Variants in AKT2 observed in about 807,000 individuals in gnomAD.
AKT2 encodes the protein AKT serine/threonine kinase 2, also known as RAC-beta serine/threonine-protein kinase.
Under a neutral mutation model 58.6 loss-of-function variants are expected in AKT2, and 16 were observed. The observed-to-expected ratio is 0.27, with a 90% confidence interval of 0.18 to 0.41. The LOEUF is 0.41. Ranked by LOEUF, AKT2 falls within the 10% of genes least tolerant of loss-of-function variation. The pLI, the probability that AKT2 is intolerant of heterozygous loss-of-function variation, is 1.00. For synonymous variants in AKT2, 253 were observed against 254.0 expected, an observed-to-expected ratio of 1.00 and a Z score of 0.04; for missense variants, 438 against 661.0, an observed-to-expected ratio of 0.66 and a Z score of 3.70.
Position 40,242,529 on chromosome 19 carries a change from C to T in AKT2, c.441+5G>A. The T allele has an allele frequency of 1.2e-6, 2 of 1,613,616 alleles. No homozygotes were observed. The highest frequency in any genetic ancestry group is 1.7e-6 in the Non-Finnish European group (2 of 1,180,022). ...GGCAGCCCCACCCCTGCTCCCAGCA[C>T]TTACCACTTTAGCCCGTGCCTTGCT... On this transcript the variant is annotated splice_donor_5th_base_variant and intron_variant, in intron 5 of 13. Coordinates refer to ENST00000392038, the MANE Select transcript of AKT2 (RefSeq NM_001626.6). The surrounding 1 kb of genome is among the most constrained non-coding windows in gnomAD (Gnocchi z 4.3).
intron 2 of AKT2, among the ~76,000 whole-genome samples, chr19:40,265,000 C>A (rs775436733): frequency 6.6e-6 from 1 of 152,224 alleles, no homozygotes; most frequent in African/African-American, 2.4e-5. Context: ...TAAAATGGGG[C>A]TATGAATGAG....
At chr19:40,264,011 A>G (rs1194885294) in intron 2 of AKT2, among the ~76,000 whole-genome samples, 1 of 152,090 alleles carries the variant, frequency 6.6e-6, no homozygotes, top group African/African-American at 2.4e-5. Context: ...ACCGTGAGAC[A>G]TGCATGTCTG....
At position 40,242,502 on chromosome 19, in the gene AKT2, C is replaced by G; in HGVS notation, c.441+32G>C. On this transcript the variant is annotated intron_variant, in intron 5 of 13. Transcript: ENST00000392038. This position sits in a 1 kb window ranked among gnomAD's most constrained non-coding sequence, Gnocchi z 4.3. ...GCACTGGGGGTGGGGGCACCGCAGGCTGGCAGCCCCACCCCTGCTCCCAGC... is the reference window on the plus strand; with the variant it reads ...GCACTGGGGGTGGGGGCACCGCAGGGTGGCAGCCCCACCCCTGCTCCCAGC... The G allele has an allele frequency of 1.2e-6, 2 of 1,612,536 alleles. No individual in the cohort carries two copies. Among genetic ancestry groups the G allele is most frequent in the South Asian group, 2.2e-5 (2 of 91,076 alleles).
chr19:40,267,996 G>C (rs1230681721), intron 1 of AKT2, among the ~76,000 whole-genome samples: 1 of 152,152 alleles, frequency 6.6e-6, no homozygotes, highest in African/African-American at 2.4e-5. Flanking sequence ...GAAAATGCAA[G>C]GACCTGAGGC....
chr19:40,276,343 A>ACCTTTTTTTTTTT (rs1568573407), intron 1 of AKT2, among the ~76,000 whole-genome samples: 3 of 98,856 alleles, frequency 3.0e-5, no homozygotes, highest in Non-Finnish European at 2.0e-5. Flanking sequence ...GTAAAATGGA[A>ACCTTTTTTTTTTT]TCTTTTTTTT....
chr19:40,273,467 T>C (rs2077253810), intron 1 of AKT2: 1 of 124,462 alleles, frequency 8.0e-6, no homozygotes, highest in Non-Finnish European at 1.7e-5. Context: ...AAGGTGGCAC[T>C]GAAGAAACTT....
intron 4 of AKT2, among the ~76,000 whole-genome samples, chr19:40,246,976 G>A (rs886471097): frequency 7.9e-5 from 12 of 152,218 alleles, no homozygotes; most frequent in African/African-American, 2.7e-4. Context: ...TCGCAGGGGC[G>A]GGCCTACCCC....
At chr19:40,270,586 G>A (rs542754171) in intron 1 of AKT2, 8 of 152,402 alleles carry the variant, frequency 5.2e-5, no homozygotes, top group Non-Finnish European at 1.0e-4. Context: ...GCTGGTGGGT[G>A]GGGCTCCTTC....
chr19:40,278,221 C>T (rs1035590265), intron 1 of AKT2, among the ~76,000 whole-genome samples: 8 of 152,238 alleles, frequency 5.3e-5, no homozygotes, highest in Admixed American at 4.6e-4. Flanking sequence ...AAGGCAGCTT[C>T]GCCGACAGAG....
At chr19:40,264,442 C>T (rs1035192507) in intron 2 of AKT2, among the ~76,000 whole-genome samples, 12 of 152,164 alleles carry the variant, frequency 7.9e-5, no homozygotes, top group African/African-American at 1.7e-4. Flanking sequence ...GGGCTGCTCT[C>T]GTCTGGAGTG....
chr19:40,281,328 CA>C (rs961095547), intron 1 of AKT2, among the ~76,000 whole-genome samples: 1 of 152,044 alleles, frequency 6.6e-6, no homozygotes, highest in Non-Finnish European at 1.5e-5. Flanking sequence ...CCCGTTTCCA[CA>C]AAAAATTTAA....
intron 7 of AKT2, chr19:40,239,491 C>A: frequency 3.3e-6 from 1 of 303,722 alleles, no homozygotes; most frequent in South Asian, 3.0e-5. Context: ...CACTGAGGTA[C>A]CTCATAAGAT....
At position 40,233,986 on chromosome 19, in the gene AKT2, C is replaced by T; in HGVS notation, c.1367-35G>A. The T allele has an allele frequency of 6.2e-7, 1 of 1,601,020 alleles. No individual in the cohort carries two copies. Among genetic ancestry groups the T allele is most frequent in the African/African-American group, 1.3e-5 (1 of 74,868 alleles). ...GCAGAGGTGGATGGGGAGGACCAGT[C>T]AGGAGAGGGCCTGGGACACCTGCCC... On this transcript the variant is annotated intron_variant, in intron 13 of 13. Coordinates refer to ENST00000392038, the MANE Select transcript of AKT2 (RefSeq NM_001626.6). The surrounding 1 kb of genome is among the most constrained non-coding windows in gnomAD (Gnocchi z 4.3).
chr19:40,248,783 C>G (rs1213189761), intron 4 of AKT2, among the ~76,000 whole-genome samples: 1 of 147,130 alleles, frequency 6.8e-6, no homozygotes, highest in African/African-American at 2.5e-5. Flanking sequence ...GAGATGAGGA[C>G]AGGGAGGAGT....
rs192667940 is a variant in AKT2, at chr19:40,278,031, G to A, written c.-85+7150C>T. Reference sequence around the variant, plus strand: ...GGGCCAAGGTCATGGTATTGGGGGTGGAGAGAAGCAGCCACACCCCACATC... The same window carrying A: ...GGGCCAAGGTCATGGTATTGGGGGTAGAGAGAAGCAGCCACACCCCACATC... On this transcript the variant is annotated intron_variant, in intron 1 of 13. Transcript: ENST00000392038. 2.0e-5 allele frequency among the ~76,000 whole-genome samples: 3 copies of A among 152,232 alleles called. No individual in the cohort carries two copies. In the East Asian group the frequency reaches 5.8e-4, roughly 29 times the overall value.
intron 1 of AKT2, among the ~76,000 whole-genome samples, chr19:40,272,628 G>A (rs1316837079): frequency 6.6e-6 from 1 of 152,152 alleles, no homozygotes; most frequent in Admixed American, 6.5e-5. Flanking sequence ...GCAATCCATG[G>A]ACAAAACTCA....
intron 2 of AKT2, among the ~76,000 whole-genome samples, chr19:40,264,447 G>A (rs1326319627): frequency 6.6e-6 from 1 of 152,162 alleles, no homozygotes; most frequent in Non-Finnish European, 1.5e-5. Context: ...GCTCTCGTCT[G>A]GAGTGCCAAA....
chr19:40,285,299 G>A lies in AKT2; in HGVS notation c.-203C>T. The A allele has an allele frequency of 2.5e-6, 1 of 394,932 alleles. No individual in the cohort carries two copies. The highest frequency in any genetic ancestry group is 4.5e-6 in the Non-Finnish European group (1 of 223,736). The allele number at this position is 394,932 out of a possible 1,614,324, so 24.5% of individuals were successfully genotyped here. Reference sequence around the variant, plus strand: ...CGGCAACGGCGCCGGCAGCGGCAGCGGCGGCGGCGACGCCTCCTCCGAGGC... The same window carrying A: ...CGGCAACGGCGCCGGCAGCGGCAGCAGCGGCGGCGACGCCTCCTCCGAGGC... On this transcript the variant is annotated 5_prime_UTR_variant, in exon 1 of 14. Transcript: ENST00000392038.
intron 3 of AKT2, 52 bp from the exon 4 acceptor site, chr19:40,255,321 C>T: frequency 6.6e-7 from 1 of 1,519,618 alleles, no homozygotes; most frequent in African/African-American, 1.4e-5. Flanking sequence ...GCCCTGCTAG[C>T]CTGCAGCCCA....
Sources: allele counts gnomAD v4.1 joint callset (sites outside exome capture counted in the v4.1 genomes callset), GRCh38; gene constraint gnomAD v4.1.1; non-coding constraint Gnocchi (gnomAD v3.1); transcripts MANE v1.5; gene names NCBI Gene and HGNC (gene_info 2026-07-23, HGNC 2026-07-21).